GHRHR: variants seen among roughly 807,000 people sequenced by gnomAD.
The protein encoded by GHRHR is growth hormone-releasing hormone receptor.
Under a neutral mutation model 58.3 loss-of-function variants are expected in GHRHR, and 40 were observed. The ratio of observed to expected loss-of-function variants is 0.69; its 90% CI spans 0.53 to 0.89. The LOEUF (loss-of-function observed/expected upper bound fraction) is 0.89. GHRHR is among the 40% of genes least tolerant of loss of function. GHRHR has a pLI of 0.00. For missense variants in GHRHR, 551 were observed against 541.3 expected, an observed-to-expected ratio of 1.02 and a Z score of -0.18; for synonymous variants, 249 against 216.6, an observed-to-expected ratio of 1.15 and a Z score of -1.31.
At position 30,968,757 on chromosome 7, in the gene GHRHR, T is replaced by G. The variant is rs1584411393; in HGVS notation, c.58-77T>G. ...AGATATGAATCAGGCCTTGTCCCTG[T>G]TCTCAGGTCATGTGGACCACAGAGC... On this transcript the variant is annotated intron_variant, in intron 1 of 12. Transcript: ENST00000326139. The G allele has an allele frequency of 1.2e-5, 11 of 928,800 alleles. No homozygotes were observed. The East Asian group carries it at 2.4e-4, about 20-fold the overall frequency. The allele number at this position is 928,800 out of a possible 1,614,324, so 57.5% of individuals were successfully genotyped here. A position where few individuals can be genotyped will look rare whatever the true frequency, so the allele number is the denominator to read the frequency against.
intron 9 of GHRHR, among the ~76,000 whole-genome samples, chr7:30,975,564 T>A (rs1331230905): frequency 1.3e-5 from 2 of 152,060 alleles, no homozygotes; most frequent in Non-Finnish European, 2.9e-5. Flanking sequence ...CAGGACTTGG[T>A]CCTTCTCTGT....
Position 30,979,268 on chromosome 7 carries a change from T to C in GHRHR, c.*24T>C. The C allele has an allele frequency of 1.2e-6, 2 of 1,611,750 alleles. No homozygotes were observed. The highest frequency in any genetic ancestry group is 1.7e-6 in the Non-Finnish European group (2 of 1,179,016). On this transcript the variant is annotated 3_prime_UTR_variant, in exon 13 of 13. Transcript: ENST00000326139. ...AGGCTGCCTCATCACGCCACTGGAG[T>C]CCACACTTGAATTTGGGCAGCTACC...
intron 1 of GHRHR, among the ~76,000 whole-genome samples, chr7:30,966,165 C>G (rs913309347): frequency 6.6e-6 from 1 of 152,088 alleles, no homozygotes; most frequent in Non-Finnish European, 1.5e-5. Context: ...GGCTGGCTCT[C>G]CAGATTTTCT....
chr7:30,974,196 G>A (rs1792532661), intron 7 of GHRHR, 58 bp downstream of exon 7: 1 of 1,561,736 alleles, frequency 6.4e-7, no homozygotes. Flanking sequence ...AAAGGCCCAG[G>A]GAGTTTACAT....
intron 1 of GHRHR, among the ~76,000 whole-genome samples, chr7:30,968,366 T>C (rs1490800301): frequency 1.3e-5 from 2 of 151,982 alleles, no homozygotes; most frequent in South Asian, 2.1e-4. Flanking sequence ...GAGTTGGCCA[T>C]CCCTGTGAGA....
At chr7:30,979,027 T>C (rs1792637844) in intron 12 of GHRHR, 92 bp from the exon 13 acceptor site, 1 of 1,234,188 alleles carries the variant, frequency 8.1e-7, no homozygotes, top group Admixed American at 1.7e-5. Context: ...CTGTTTCTCT[T>C]ACACGGCCTC....
intron 11 of GHRHR, among the ~76,000 whole-genome samples, 196 bp from the exon 12 acceptor site, chr7:30,977,085 C>A (rs759520325): frequency 2.0e-5 from 3 of 152,188 alleles, no homozygotes; most frequent in South Asian, 2.1e-4. Context: ...ACAGCCCTGG[C>A]AGGCTTGCTA....
intron 6 of GHRHR, 60 bp downstream of exon 6, chr7:30,972,155 C>G (rs998071392): frequency 3.0e-5 from 47 of 1,578,024 alleles, no homozygotes; most frequent in Non-Finnish European, 3.7e-5. Flanking sequence ...GGATTACAGA[C>G]CCAGATGTGC....
intron 1 of GHRHR, among the ~76,000 whole-genome samples, chr7:30,964,507 C>T (rs114030962): frequency 1.3e-5 from 2 of 152,188 alleles, no homozygotes; most frequent in Non-Finnish European, 2.9e-5. Context: ...CTGCAGTTTG[C>T]TCTTTCTCTC....
In GHRHR at chr7:30,968,104, C is replaced by T. The variant is rs191230996; in HGVS notation, c.58-730C>T. Reference sequence around the variant, plus strand: ...TGCCTACTGCCCATCCTATAAGGAGCCTTGCGATTACATCAGGCCTACTCA... The same window carrying T: ...TGCCTACTGCCCATCCTATAAGGAGTCTTGCGATTACATCAGGCCTACTCA... On this transcript the variant is annotated intron_variant, in intron 1 of 12. Coordinates refer to ENST00000326139, the MANE Select transcript of GHRHR (RefSeq NM_000823.4). 5.9e-5 allele frequency among the ~76,000 whole-genome samples: 9 copies of T among 152,252 alleles called. No individual in the cohort carries two copies. The East Asian group carries it at 1.5e-3, about 26-fold the overall frequency.
Position 30,972,009 on chromosome 7 carries a change from A to G in GHRHR, c.511A>G (p.Thr171Ala), listed in dbSNP as rs1562593893. 1.2e-6 allele frequency: 2 copies of G among 1,613,794 alleles called. No homozygotes were observed. Among genetic ancestry groups the G allele is most frequent in the Non-Finnish European group, 1.7e-6 (2 of 1,179,874 alleles). The change falls in exon 6 of 13, where the codon ACT becomes GCT. Residue 171 changes from threonine (T) to alanine (A), a missense_variant. Thr to Ala is a moderately conservative substitution (Grantham distance 58). Transcript: ENST00000326139. ...CTACGTCCACACCCAGCTGTTCACC[A>G]CTTTTATCCTCAAGGCGGGAGCTGT... ...RNYVHTQLFT[T>A]FILKAGAVFL...
chr7:30,977,892 A>G (rs1792618274), intron 12 of GHRHR, among the ~76,000 whole-genome samples: 1 of 152,252 alleles, frequency 6.6e-6, no homozygotes, highest in Non-Finnish European at 1.5e-5. Flanking sequence ...GTGCTGCTGC[A>G]CATGTGGAAA....
At chr7:30,973,379 T>C (rs774572490) in intron 6 of GHRHR, among the ~76,000 whole-genome samples, 4 of 152,204 alleles carry the variant, frequency 2.6e-5, no homozygotes, top group Non-Finnish European at 1.5e-5. Flanking sequence ...TAAAACAGCT[T>C]GAAGAAGAAA....
chr7:30,972,014 T>A lies in GHRHR; in HGVS notation c.516T>A (p.Phe172Leu), dbSNP rs150685406. ...NYVHTQLFTT[F>L]ILKAGAVFLK... ...TCCACACCCAGCTGTTCACCACTTT[T>A]ATCCTCAAGGCGGGAGCTGTGTTCC... The change falls in exon 6 of 13, where the codon TTT becomes TTA. Residue 172 changes from phenylalanine to leucine, a missense_variant. Transcript: ENST00000326139. 7.1e-5 allele frequency: 115 copies of A among 1,613,908 alleles called. No individual in the cohort carries two copies. The highest frequency in any genetic ancestry group is 9.2e-5 in the Non-Finnish European group (108 of 1,179,950).
rs557566669 is a variant in GHRHR, at chr7:30,979,381, C to T, written c.*137C>T. On this transcript the variant is annotated 3_prime_UTR_variant, in exon 13 of 13. Transcript: ENST00000326139. ...CCGGGGCAGGTGCAGCCCTTCCTCC[C>T]TGTCTCTGCATCTGACTCTCTTTTG... 2.5e-6 allele frequency: 2 copies of T among 794,438 alleles called. No individual in the cohort carries two copies. Among genetic ancestry groups the T allele is most frequent in the African/African-American group, 3.4e-5 (2 of 58,976 alleles). 49.2% of individuals were successfully genotyped at this position (794,438 alleles called of 1,614,324 possible).
chr7:30,977,913 C>T (rs553102448), intron 12 of GHRHR, among the ~76,000 whole-genome samples: 5 of 152,322 alleles, frequency 3.3e-5, no homozygotes, highest in South Asian at 2.1e-4. Flanking sequence ...CGTGGGGACA[C>T]GACAGAGACT....
At chr7:30,969,041 C>T (rs774857155) in intron 2 of GHRHR, 22 bp from the exon 3 acceptor site, 2 of 1,563,470 alleles carry the variant, frequency 1.3e-6, no homozygotes, top group Non-Finnish European at 1.7e-6. Context: ...TGAGTCTCTG[C>T]TGCTCCTGGC....
At position 30,975,835 on chromosome 7, in the gene GHRHR, C is replaced by T. The variant is rs761412028; in HGVS notation, c.941C>T (p.Ala314Val). The change falls in exon 10 of 13, where the codon GCT (alanine) becomes GTT (valine). Residue 314 changes from alanine (A) to valine (V), a missense_variant. By Grantham distance (64) the Ala-to-Val change is moderately conservative. Transcript: ENST00000326139. The part of the protein sequence containing the change: ...IRILVRKLEP[A>V]QGSLHTQSQY... ...ATCCTGGTGAGGAAACTGGAGCCAG[C>T]TCAGGGCAGCCTCCATACCCAGTCT... The T allele has an allele frequency of 7.5e-6, 12 of 1,610,390 alleles. No individual in the cohort carries two copies. The highest frequency in any genetic ancestry group is 1.3e-5 in the African/African-American group (1 of 74,836).
At chr7:30,975,954 G>T in intron 10 of GHRHR, 86 bp downstream of exon 10, 1 of 804,476 alleles carries the variant, frequency 1.2e-6, no homozygotes. Context: ...AAGCACTCAT[G>T]ACCTCAGCCC....
Sources: gnomAD v4.1 joint callset for allele counts (sites outside exome capture counted in the v4.1 genomes callset) on GRCh38, gnomAD v4.1.1 for gene constraint, MANE v1.5 for transcripts, NCBI Gene and HGNC (gene_info 2026-07-23, HGNC 2026-07-21) for gene names.